The following PBX1 variants were observed in gnomAD, a reference collection of about 807,000 sequenced individuals.
The protein encoded by PBX1 is pre-B-cell leukemia transcription factor 1.
In PBX1, 6 loss-of-function variants were observed where a neutral mutation model predicts 53.4. The ratio of observed to expected loss-of-function variants is 0.11; its 90% CI spans 0.06 to 0.22. The LOEUF (loss-of-function observed/expected upper bound fraction) is 0.22. Ranked by LOEUF, PBX1 falls within the 10% of genes least tolerant of loss-of-function variation. The pLI, the probability that PBX1 is intolerant of heterozygous loss-of-function variation, is 1.00. For missense variants in PBX1, 251 were observed against 551.4 expected, an observed-to-expected ratio of 0.46 and a Z score of 5.46; for synonymous variants, 204 against 212.3, an observed-to-expected ratio of 0.96 and a Z score of 0.34.
At position 164,846,562 on chromosome 1, in the gene PBX1, T is replaced by A. The variant is rs1348665013; in HGVS notation, c.1201-22T>A. The A allele has an allele frequency of 1.9e-6, 3 of 1,610,032 alleles. No individual in the cohort carries two copies. In the African/African-American group the frequency reaches 4.0e-5, roughly 22 times the overall value. ...GCCACCCAATCTCAGAGGACTGACT[T>A]CTCTCCCTTTTTCCCTTCTAGGCTA... On this transcript the variant is annotated intron_variant, in intron 8 of 8. Coordinates refer to ENST00000420696, the MANE Select transcript of PBX1 (RefSeq NM_002585.4).
chr1:164,790,386 C>T (rs140972931), intron 2 of PBX1, among the ~76,000 whole-genome samples: 4 of 152,272 alleles, frequency 2.6e-5, no homozygotes, highest in East Asian at 3.9e-4. Flanking sequence ...AACCTTTTGC[C>T]GTCACCACTA....
chr1:164,878,300 A>G (rs929898525), intron 2 of PBX1, among the ~76,000 whole-genome samples: 2 of 152,214 alleles, frequency 1.3e-5, no homozygotes, highest in South Asian at 4.1e-4. Flanking sequence ...GCCTCTATTC[A>G]TGGTAAGCAT....
chr1:164,585,693 A>G (rs1255896344), intron 2 of PBX1, among the ~76,000 whole-genome samples: 2 of 152,164 alleles, frequency 1.3e-5, no homozygotes. Context: ...ACCACAATCT[A>G]TTAAGATTTC....
intron 2 of PBX1, chr1:164,680,318 G>A (rs2101994645): frequency 6.6e-6 from 1 of 152,264 alleles, no homozygotes; most frequent in African/African-American, 2.4e-5. Flanking sequence ...CTGTTTTGGG[G>A]ATATCTGAAA....
chr1:164,685,625 C>A (rs1230367950), intron 2 of PBX1, among the ~76,000 whole-genome samples: 1 of 152,206 alleles, frequency 6.6e-6, no homozygotes, highest in Non-Finnish European at 1.5e-5. Context: ...CTGGAAGCCT[C>A]CCTGTACAAG....
chr1:164,738,390 A>C (rs975684845), intron 2 of PBX1, among the ~76,000 whole-genome samples: 1 of 152,154 alleles, frequency 6.6e-6, no homozygotes, highest in African/African-American at 2.4e-5. Context: ...GGCTCAAGCT[A>C]TACTGCTGCC....
intron 2 of PBX1, among the ~76,000 whole-genome samples, chr1:164,744,985 G>A (rs10918062): frequency 0.34 from 51,670 of 151,924 alleles, 9,373 homozygotes; most frequent in South Asian, 0.6. Context: ...ACAAGGTAAT[G>A]TTTTTATTCT....
intron 2 of PBX1, among the ~76,000 whole-genome samples, chr1:164,634,631 T>C (rs1008952263): frequency 6.6e-6 from 1 of 152,114 alleles, no homozygotes. Context: ...GATTGTAAGC[T>C]CAAAAAGGAA....
downstream of PBX1, among the ~76,000 whole-genome samples, chr1:164,853,964 C>T (rs34644131): frequency 0.27 from 41,157 of 149,900 alleles, 5,845 homozygotes; most frequent in Middle Eastern, 0.36. Context: ...GACGGTATCT[C>T]GTGTGATCTC....
intron 8 of PBX1, among the ~76,000 whole-genome samples, chr1:164,822,436 G>A (rs1670205470): frequency 6.6e-6 from 1 of 152,148 alleles, no homozygotes; most frequent in Non-Finnish European, 1.5e-5. Context: ...GGTTTGGGTG[G>A]TGGGTAGTGA....
intron 2 of PBX1, among the ~76,000 whole-genome samples, chr1:164,783,239 A>G (rs1237568074): frequency 6.6e-6 from 1 of 152,148 alleles, no homozygotes; most frequent in Non-Finnish European, 1.5e-5. Context: ...GGCAAATAGC[A>G]AGAAAGGACT....
intron 2 of PBX1, chr1:164,685,018 C>T (rs146395432): frequency 1.6e-3 from 239 of 152,294 alleles, no homozygotes; most frequent in African/African-American, 5.4e-3. Context: ...AGGAATTAGA[C>T]ATAAATTACA....
At chr1:164,695,324 T>G (rs985668960) in intron 2 of PBX1, among the ~76,000 whole-genome samples, 5 of 152,234 alleles carry the variant, frequency 3.3e-5, no homozygotes, top group African/African-American at 4.8e-5. Flanking sequence ...CCTTGTGATC[T>G]AGTCCTTGCC....
At position 164,849,599 on chromosome 1, in the gene PBX1, G is replaced by A. The variant is rs1203308358; in HGVS notation, c.*2923G>A. The A allele has an allele frequency of 2.6e-6, 2 of 781,434 alleles. No homozygotes were observed. The highest frequency in any genetic ancestry group is 3.5e-5 in the African/African-American group (2 of 57,482). The allele number at this position is 781,434 out of a possible 1,614,324, so 48.4% of individuals were successfully genotyped here. ...TTTTCCCCGACAGCGAATTTCCCCT[G>A]AGAAACGATACTAGACCCTGGGTTT... On this transcript the variant is annotated 3_prime_UTR_variant, in exon 9 of 9. Coordinates refer to ENST00000420696, the MANE Select transcript of PBX1 (RefSeq NM_002585.4).
chr1:164,638,230 G>A (rs1194653306), intron 2 of PBX1, among the ~76,000 whole-genome samples: 3 of 152,216 alleles, frequency 2.0e-5, no homozygotes, highest in African/African-American at 7.2e-5. Flanking sequence ...AGATTTCTGC[G>A]CCTCTTCCTG....
intron 2 of PBX1, among the ~76,000 whole-genome samples, chr1:164,757,043 A>G (rs1666565359): frequency 6.6e-6 from 1 of 152,026 alleles, no homozygotes; most frequent in South Asian, 2.1e-4. Context: ...ACTATTCTGG[A>G]TTTTTGTTTT....
At chr1:164,870,355 T>TGC (rs1558053913) in intron 2 of PBX1, among the ~76,000 whole-genome samples, 1 of 94,790 alleles carries the variant, frequency 1.1e-5, no homozygotes, top group African/African-American at 3.7e-5. Context: ...CTTTCTTTCT[T>TGC]TCTTTCGAGA....
intron 2 of PBX1, among the ~76,000 whole-genome samples, chr1:164,763,536 A>G (rs74121218): frequency 0.09 from 13,758 of 152,220 alleles, 707 homozygotes; most frequent in South Asian, 0.15. Flanking sequence ...AAACGGGGCA[A>G]GTTTCTGAAA....
chr1:164,717,105 T>C (rs182428737), intron 2 of PBX1, among the ~76,000 whole-genome samples: 62 of 152,270 alleles, frequency 4.1e-4, no homozygotes, highest in Middle Eastern at 3.4e-3. Context: ...TTTATAGCCA[T>C]TTTCTCTGCA....
Sources: gnomAD v4.1 joint callset for allele counts (sites outside exome capture counted in the v4.1 genomes callset) on GRCh38, gnomAD v4.1.1 for gene constraint, MANE v1.5 for transcripts, NCBI Gene and HGNC (gene_info 2026-07-23, HGNC 2026-07-21) for gene names.